Variants in ABI1 observed in about 807,000 individuals in gnomAD.
ABI1 encodes Abelson interactor 1.
Under a neutral mutation model 54.6 loss-of-function variants are expected in ABI1, and 14 were observed. The ratio of observed to expected loss-of-function variants is 0.26; its 90% CI spans 0.17 to 0.40. The LOEUF is 0.40. ABI1 is among the 10% of genes least tolerant of loss of function. The pLI is 1.00. For synonymous variants in ABI1, 194 were observed against 209.3 expected, an observed-to-expected ratio of 0.93 and a Z score of 0.63; for missense variants, 443 against 598.3, an observed-to-expected ratio of 0.74 and a Z score of 2.71.
chr10:26,771,059 A>C lies in ABI1; in HGVS notation c.477+16T>G. ...GAGGAAATACTGTGGATCAAATGAT[A>C]AGTAATGGCTCTTACCTTGGCTTTT... On this transcript the variant is annotated intron_variant, in intron 4 of 10. Transcript: ENST00000376140. The C allele has an allele frequency of 6.2e-7, 1 of 1,613,538 alleles. No homozygotes were observed.
At chr10:26,815,591 C>G (rs1294711051) in intron 2 of ABI1, among the ~76,000 whole-genome samples, 1 of 152,134 alleles carries the variant, frequency 6.6e-6, no homozygotes, top group African/African-American at 2.4e-5. Flanking sequence ...TAGTTAACAC[C>G]AGTCCTCCAA....
chr10:26,853,971 G>A (rs10829116), intron 1 of ABI1, among the ~76,000 whole-genome samples: 39,117 of 151,962 alleles, frequency 0.26, 5,732 homozygotes, highest in South Asian at 0.44. Flanking sequence ...ACATATTTTT[G>A]ACTGTTAACT....
intron 1 of ABI1, among the ~76,000 whole-genome samples, chr10:26,847,874 T>C (rs2050097109): frequency 6.6e-6 from 1 of 151,978 alleles, no homozygotes; most frequent in African/African-American, 2.4e-5. Flanking sequence ...ATTCTTATTT[T>C]TTAAGATGTT....
At chr10:26,778,135 G>A (rs1841661238) in intron 2 of ABI1, among the ~76,000 whole-genome samples, 1 of 152,098 alleles carries the variant, frequency 6.6e-6, no homozygotes, top group Non-Finnish European at 1.5e-5. Context: ...AGAGAAAAAT[G>A]GTAAGAGCAG....
intron 1 of ABI1, among the ~76,000 whole-genome samples, chr10:26,841,399 CTT>C (rs34398117): frequency 0.022 from 3,025 of 140,282 alleles, 184 homozygotes; most frequent in South Asian, 0.2. Flanking sequence ...ACATAGTTAC[CTT>C]TTTTTTTTTT....
intron 1 of ABI1, among the ~76,000 whole-genome samples, chr10:26,850,204 C>A (rs1246799704): frequency 1.3e-5 from 2 of 152,196 alleles, no homozygotes; most frequent in Non-Finnish European, 2.9e-5. Flanking sequence ...AATAATGTTA[C>A]TCTTGCCCTA....
intron 6 of ABI1, among the ~76,000 whole-genome samples, chr10:26,767,831 G>A (rs1840142771): frequency 1.3e-5 from 2 of 152,046 alleles, no homozygotes; most frequent in South Asian, 4.2e-4. Flanking sequence ...TGGATCACCT[G>A]AGGTCAGGAG....
At position 26,860,907 on chromosome 10, in the gene ABI1, A is replaced by C. The variant is rs910141731; in HGVS notation, c.-44T>G. 18 of 1,575,112 alleles carry C rather than the reference A, an allele frequency of 1.1e-5. No homozygotes were observed. The highest frequency in any genetic ancestry group is 1.6e-5 in the Non-Finnish European group (18 of 1,146,096). On this transcript the variant is annotated 5_prime_UTR_variant, in exon 1 of 11. Coordinates refer to ENST00000376140, the MANE Select transcript of ABI1 (RefSeq NM_001012750.3). The surrounding 1 kb of genome is among the most constrained non-coding windows in gnomAD (Gnocchi z 4.1). ...GCTTCCTCTCGCGTTAAAGAGACAG[A>C]GGCAGCAAGGTCCGCCGAGGCTCCG...
intron 7 of ABI1, among the ~76,000 whole-genome samples, chr10:26,762,535 T>G (rs1001967273): frequency 2.0e-5 from 3 of 152,216 alleles, no homozygotes; most frequent in Admixed American, 6.5e-5. Context: ...AAAAGCCTTT[T>G]GTTGACATGG....
Position 26,860,651 on chromosome 10 carries a change from C to A in ABI1, c.117+96G>T. The A allele has an allele frequency of 1.0e-6, 1 of 974,350 alleles. No individual in the cohort carries two copies. Among genetic ancestry groups the A allele is most frequent in the Non-Finnish European group, 1.6e-6 (1 of 618,304 alleles). The allele number at this position is 974,350 out of a possible 1,614,324, so 60.4% of individuals were successfully genotyped here. A position where few individuals can be genotyped will look rare whatever the true frequency, so the allele number is the denominator to read the frequency against. ...TAGGGGCTCGGGTTGGTGGCAGCCG[C>A]TGAGGTCAGGGCAGTTCCCCACCCC... On this transcript the variant is annotated intron_variant, in intron 1 of 10. Transcript: ENST00000376140. This position sits in a 1 kb window ranked among gnomAD's most constrained non-coding sequence, Gnocchi z 4.1.
In ABI1 at chr10:26,777,179, C is replaced by T. The variant is rs1375389858; in HGVS notation, c.348G>A (p.Lys116=). 3.7e-6 allele frequency: 6 copies of T among 1,613,698 alleles called. No homozygotes were observed. Among genetic ancestry groups the T allele is most frequent in the Non-Finnish European group, 4.2e-6 (5 of 1,179,818 alleles). The change falls in exon 3 of 11, where the codon AAG becomes AAA. Residue 116 remains lysine, a synonymous_variant. Transcript: ENST00000376140. ...RREIGILTTN[K]NTSRTHKIIA... is the part of the protein sequence containing the mutation. ...TTATTTTGTGAGTTCTTGATGTATT[C>T]TTATTTGTTGTCAAAATACCAATCT...
chr10:26,814,770 T>C (rs2047452272), intron 2 of ABI1, among the ~76,000 whole-genome samples: 1 of 152,130 alleles, frequency 6.6e-6, no homozygotes, highest in African/African-American at 2.4e-5. Context: ...GAAAACTTTA[T>C]AAATCTAAAA....
chr10:26,807,495 T>G (rs1588937764), intron 2 of ABI1, among the ~76,000 whole-genome samples: 1 of 152,030 alleles, frequency 6.6e-6, no homozygotes, highest in South Asian at 2.1e-4. Flanking sequence ...AAAAAAAAGT[T>G]GATACTAAAC....
intron 1 of ABI1, among the ~76,000 whole-genome samples, chr10:26,844,879 T>A (rs2049855736): frequency 6.6e-6 from 1 of 152,198 alleles, no homozygotes; most frequent in Non-Finnish European, 1.5e-5. Flanking sequence ...ATTCATGAAA[T>A]ACTCTTTACA....
chr10:26,776,994 G>T, intron 3 of ABI1, 71 bp downstream of exon 3: 1 of 1,278,904 alleles, frequency 7.8e-7, no homozygotes, highest in South Asian at 1.7e-5. Flanking sequence ...TCATCTTTAT[G>T]ACAATATTTC....
intron 1 of ABI1, among the ~76,000 whole-genome samples, chr10:26,828,144 A>C (rs1301764205): frequency 6.6e-6 from 1 of 152,180 alleles, no homozygotes; most frequent in Non-Finnish European, 1.5e-5. Context: ...GCCCAATTTC[A>C]ATATTGTTGC....
chr10:26,774,104 T>C (rs1057339394), intron 3 of ABI1, among the ~76,000 whole-genome samples: 1 of 152,216 alleles, frequency 6.6e-6, no homozygotes, highest in Non-Finnish European at 1.5e-5. Context: ...TGGTGTAGTA[T>C]ACGCATATAA....
chr10:26,777,022 T>C lies in ABI1; in HGVS notation c.462+43A>G, dbSNP rs111676674. On this transcript the variant is annotated intron_variant, in intron 3 of 10. Coordinates refer to ENST00000376140, the MANE Select transcript of ABI1 (RefSeq NM_001012750.3). The stretch of plus-strand genomic sequence containing the variant: ...AATATTTCCTATCCAAAATATTTAC[T>C]GGATATGCAAATTAGCTTGTTAATG... 9.6e-6 allele frequency: 14 copies of C among 1,463,168 alleles called. 2 individuals are homozygous for C. In the African/African-American group the frequency reaches 9.9e-5, roughly 10 times the overall value. The allele number at this position is 1,463,168 out of a possible 1,614,324, so 90.6% of individuals were successfully genotyped here.
At chr10:26,773,761 T>TA (rs1841039080) in intron 3 of ABI1, among the ~76,000 whole-genome samples, 1 of 152,184 alleles carries the variant, frequency 6.6e-6, no homozygotes, top group African/African-American at 2.4e-5. Context: ...GGAACTTTAC[T>TA]AATCAGAAAC....
Sources: allele counts gnomAD v4.1 joint callset (sites outside exome capture counted in the v4.1 genomes callset), GRCh38; gene constraint gnomAD v4.1.1; non-coding constraint Gnocchi (gnomAD v3.1); transcripts MANE v1.5; gene names NCBI Gene and HGNC (gene_info 2026-07-23, HGNC 2026-07-21).